The following ASIC2 variants were observed in gnomAD, a reference collection of about 807,000 sequenced individuals.
ASIC2 encodes the protein acid-sensing ion channel 2.
Under a neutral mutation model 57.3 loss-of-function variants are expected in ASIC2, and 25 were observed. The ratio of observed to expected loss-of-function variants is 0.44; its 90% CI spans 0.32 to 0.61. ASIC2 has a LOEUF of 0.61. Among genes scored for constraint, ASIC2 ranks in the 20% least tolerant of loss-of-function variants. The pLI is 0.06. For missense variants in ASIC2, 641 were observed against 738.1 expected (o/e 0.87, Z 1.52); for synonymous variants, 319 against 307.5 (o/e 1.04, Z -0.39).
rs35560840 is a variant in ASIC2 at position 33,620,240 on chromosome 17, G to GAAAA, written c.556-508177_556-508174dup. On this transcript the variant is annotated intron_variant, in intron 1 of 9. Coordinates refer to the ASIC2 transcript ENST00000359872. The stretch of plus-strand genomic sequence containing the variant: ...GAATGGGATCCAAGCAGAGGAAAAT[G>GAAAA]AAAAAAAAAAAAAAAAAAAAACACG... Among the ~76,000 whole-genome samples, 115 of 74,830 alleles carry GAAAA rather than the reference G, an allele frequency of 1.5e-3. 1 individual carries two copies. The highest frequency in any genetic ancestry group is 3.2e-3 in the African/African-American group (69 of 21,734). 49.1% of individuals were successfully genotyped at this position (74,830 alleles called of 152,430 possible).
intron 1 of ASIC2, among the ~76,000 whole-genome samples, chr17:34,007,966 C>A (rs1434332789): frequency 6.6e-6 from 1 of 152,154 alleles, no homozygotes; most frequent in South Asian, 2.1e-4. Context: ...CTCCTTGGTT[C>A]ATTTTTCAAT....
At position 33,278,642 on chromosome 17, in the gene ASIC2, GA is replaced by G. The variant is rs1344373244; in HGVS notation, c.708+12765del. Among the ~76,000 whole-genome samples, 5 of 152,270 alleles carry G rather than the reference GA, an allele frequency of 3.3e-5. No individual in the cohort carries two copies. The East Asian group carries it at 7.7e-4, about 23-fold the overall frequency. ...GATCTGGATGAGAGCTCTGTGAGGG[GA>G]GGGTCAGCTCCATTTCCCTCTGTAT... On this transcript the variant is annotated intron_variant, in intron 1 of 9. Coordinates refer to ENST00000225823, the MANE Select transcript of ASIC2 (RefSeq NM_183377.2).
intron 1 of ASIC2, among the ~76,000 whole-genome samples, chr17:33,791,272 A>C (rs1473604220): frequency 1.3e-5 from 2 of 152,364 alleles, no homozygotes; most frequent in Non-Finnish European, 2.9e-5. Flanking sequence ...ATAGCATGTC[A>C]GAGAAGGAAG....
intron 1 of ASIC2, among the ~76,000 whole-genome samples, chr17:33,655,716 G>A (rs1005374228): frequency 6.6e-6 from 1 of 152,138 alleles, no homozygotes; most frequent in African/African-American, 2.4e-5. Context: ...CTGCTATGAT[G>A]GTTGATTCTA....
intron 1 of ASIC2, among the ~76,000 whole-genome samples, chr17:34,089,791 A>C (rs1910257513): frequency 6.6e-6 from 1 of 151,556 alleles, no homozygotes; most frequent in Admixed American, 6.6e-5. Context: ...ATTCCTTGTG[A>C]CCTCCACCTG....
rs1441460720 is a variant in ASIC2 at position 34,034,314 on chromosome 17, C to T, written c.555+121664G>A. Among the ~76,000 whole-genome samples, 40 of 152,272 alleles carry T rather than the reference C, an allele frequency of 2.6e-4. No homozygotes were observed. The East Asian group carries it at 2.7e-3, about 10-fold the overall frequency. ...AAGCCTTTGACAAAATTCAACAACC[C>T]TTCATGCTAAAAACTCTCAATAAAT... On this transcript the variant is annotated intron_variant, in intron 1 of 9. Transcript: ENST00000359872.
At chr17:33,159,077 G>T (rs1416450433) in intron 1 of ASIC2, among the ~76,000 whole-genome samples, 1 of 152,200 alleles carries the variant, frequency 6.6e-6, no homozygotes, top group Non-Finnish European at 1.5e-5. Flanking sequence ...TGGCAGTGTT[G>T]TCTTGAGTTG....
intron 1 of ASIC2, among the ~76,000 whole-genome samples, chr17:33,301,751 G>A (rs1418266170): frequency 2.6e-5 from 4 of 152,176 alleles, no homozygotes. Context: ...AGCATGCTGG[G>A]AGGGTCCCAG....
intron 1 of ASIC2, among the ~76,000 whole-genome samples, chr17:33,683,369 T>G (rs1487861626): frequency 6.6e-6 from 1 of 152,164 alleles, no homozygotes; most frequent in Admixed American, 6.5e-5. Context: ...CCTTGCCTAA[T>G]TTTAGTTTTT....
intron 1 of ASIC2, among the ~76,000 whole-genome samples, chr17:34,113,559 C>T (rs979525078): frequency 1.0e-4 from 15 of 147,880 alleles, no homozygotes; most frequent in African/African-American, 3.5e-4. Flanking sequence ...AAAACTCTGT[C>T]TTAAGGAAAA....
intron 1 of ASIC2, among the ~76,000 whole-genome samples, chr17:33,467,327 A>C (rs1205503898): frequency 3.3e-5 from 5 of 152,222 alleles, no homozygotes; most frequent in Admixed American, 3.3e-4. Flanking sequence ...TATTTTCTCA[A>C]AGGCTTTAAA....
intron 1 of ASIC2, among the ~76,000 whole-genome samples, chr17:33,701,328 C>G (rs1251292185): frequency 6.6e-6 from 1 of 152,098 alleles, no homozygotes; most frequent in African/African-American, 2.4e-5. Context: ...TAATTCTGCA[C>G]AAAGTATATG....
Position 33,290,540 on chromosome 17 carries a change from G to C in ASIC2, c.708+868C>G, listed in dbSNP as rs1042289366. The C allele has an allele frequency of 2.0e-5, 3 of 152,272 alleles. No individual in the cohort carries two copies. The East Asian group carries it at 5.8e-4, about 29-fold the overall frequency. The allele number at this position is 152,272 out of a possible 1,614,324, so 9.4% of individuals were successfully genotyped here. ...GCTGCGTTATCCAGACCCACAGCGT[G>C]GGGGAACCGGCACAGCAAATGGTTT... On this transcript the variant is annotated intron_variant, in intron 1 of 9. Transcript: ENST00000225823.
intron 1 of ASIC2, among the ~76,000 whole-genome samples, chr17:33,995,730 A>C (rs572656167): frequency 1.2e-4 from 19 of 152,246 alleles, no homozygotes; most frequent in Non-Finnish European, 2.2e-4. Context: ...ATAAAATACC[A>C]CATTTTCTTT....
At chr17:33,416,331 A>T (rs963576063) in intron 1 of ASIC2, among the ~76,000 whole-genome samples, 1 of 152,332 alleles carries the variant, frequency 6.6e-6, no homozygotes, top group South Asian at 2.1e-4. Flanking sequence ...TGCACCATTC[A>T]TCATGGCAGT....
At chr17:33,378,336 AT>A (rs1909353955) in intron 1 of ASIC2, among the ~76,000 whole-genome samples, 1 of 152,170 alleles carries the variant, frequency 6.6e-6, no homozygotes, top group African/African-American at 2.4e-5. Flanking sequence ...TTCCTCTGAT[AT>A]TTAGTGAATT....
chr17:33,552,064 T>G (rs1378018042), intron 1 of ASIC2, among the ~76,000 whole-genome samples: 1 of 152,190 alleles, frequency 6.6e-6, no homozygotes, highest in Non-Finnish European at 1.5e-5. Flanking sequence ...CATTAAAATC[T>G]CATTGCCCAC....
intron 1 of ASIC2, among the ~76,000 whole-genome samples, chr17:33,567,531 G>T (rs1227745454): frequency 6.6e-6 from 1 of 152,190 alleles, no homozygotes; most frequent in African/African-American, 2.4e-5. Flanking sequence ...ACAGTGGGAA[G>T]GGAAGAGTAA....
chr17:33,900,024 G>A (rs1829316629), intron 1 of ASIC2, among the ~76,000 whole-genome samples: 2 of 152,202 alleles, frequency 1.3e-5, no homozygotes, highest in African/African-American at 4.8e-5. Flanking sequence ...TTACTTCCTT[G>A]TAACATGAGC....
Sources: allele counts gnomAD v4.1 joint callset (sites outside exome capture counted in the v4.1 genomes callset), GRCh38; gene constraint gnomAD v4.1.1; transcripts MANE v1.5; gene names NCBI Gene and HGNC (gene_info 2026-07-23, HGNC 2026-07-21).